Variants in RASGRF1 observed in about 807,000 individuals in gnomAD.
RASGRF1 encodes Ras protein specific guanine nucleotide releasing factor 1, also known as ras-specific guanine nucleotide-releasing factor 1.
A neutral mutation model predicts 138.7 loss-of-function variants in RASGRF1; 40 were observed. The ratio of observed to expected loss-of-function variants is 0.29; its 90% CI spans 0.22 to 0.38. RASGRF1 has a LOEUF of 0.38. RASGRF1 is among the 10% of genes least tolerant of loss of function. RASGRF1 has a pLI of 1.00. For missense variants in RASGRF1, 1,108 were observed against 1,650.4 expected (o/e 0.67, Z 5.69); for synonymous variants, 614 against 663.2 (o/e 0.93, Z 1.14).
intron 26 of RASGRF1, among the ~76,000 whole-genome samples, chr15:78,963,114 C>T (rs1387533383): frequency 1.3e-5 from 2 of 152,028 alleles, no homozygotes; most frequent in African/African-American, 4.8e-5. Context: ...TCTCCCCACC[C>T]CACTCCTGCT....
chr15:79,090,164 C>T, intron 1 of RASGRF1, 59 bp downstream of exon 1: 1 of 1,507,426 alleles, frequency 6.6e-7, no homozygotes, highest in Non-Finnish European at 8.8e-7. Flanking sequence ...GCCGAAGGCC[C>T]TGAGCCCCCA....
Position 79,090,502 on chromosome 15 carries a change from G to A in RASGRF1, c.-4C>T. On this transcript the variant is annotated 5_prime_UTR_variant, in exon 1 of 27. Transcript: ENST00000558480. ...TCAGCCGGATCCCCTTCTGCATGGT[G>A]CTCAGAGGCCAGCGAGACCCCACGC... The A allele has an allele frequency of 6.2e-7, 1 of 1,609,842 alleles. No individual in the cohort carries two copies.
intron 19 of RASGRF1, among the ~76,000 whole-genome samples, chr15:78,996,973 C>T (rs954685043): frequency 6.6e-6 from 1 of 152,190 alleles, no homozygotes; most frequent in Non-Finnish European, 1.5e-5. Flanking sequence ...GGCCCAAGCC[C>T]TCACACCTGG....
At chr15:78,998,277 G>GACCACT in intron 18 of RASGRF1, 69 bp from the exon 19 acceptor site, 1 of 1,316,526 alleles carries the variant, frequency 7.6e-7, no homozygotes, top group Non-Finnish European at 1.1e-6. Flanking sequence ...TCTGGGCCCA[G>GACCACT]GCCAGAGGAA....
intron 19 of RASGRF1, chr15:78,997,836 T>G: frequency 4.1e-6 from 2 of 486,546 alleles, no homozygotes; most frequent in Non-Finnish European, 7.4e-6. Flanking sequence ...TGGACACACA[T>G]GGAGAAGTGT....
intron 24 of RASGRF1, chr15:78,978,579 G>C (rs1311068012): frequency 1.0e-6 from 1 of 987,860 alleles, no homozygotes; most frequent in Non-Finnish European, 1.2e-6. Context: ...CGTATGAATG[G>C]GCTGCAGACC....
intron 14 of RASGRF1, chr15:79,005,719 C>T (rs1357005845): frequency 2.3e-5 from 4 of 173,194 alleles, no homozygotes; most frequent in Non-Finnish European, 2.8e-5. Context: ...AGAGTCCTTT[C>T]TCCCTCCCTC....
Position 78,979,023 on chromosome 15 carries a change from C to T in RASGRF1, c.3494+1597G>A, listed in dbSNP as rs574798894. The T allele has an allele frequency of 1.1e-4, 137 of 1,293,410 alleles. 1 individual carries two copies. Among genetic ancestry groups the T allele is most frequent in the Admixed American group, 6.8e-4 (30 of 44,068 alleles). 80.1% of individuals were successfully genotyped at this position (1,293,410 alleles called of 1,614,324 possible). A position where few individuals can be genotyped will look rare whatever the true frequency, so the allele number is the denominator to read the frequency against. On this transcript the variant is annotated intron_variant, in intron 24 of 26. Coordinates refer to ENST00000558480, the MANE Select transcript of RASGRF1 (RefSeq NM_001145648.3). ...GAGGCAGTGGAGGCAGCGGTGGTGG[C>T]GGCGGCAGACGAGGAAGCCAGCCAT...
chr15:79,014,373 T>C (rs1439963677), intron 13 of RASGRF1, among the ~76,000 whole-genome samples: 3 of 152,186 alleles, frequency 2.0e-5, no homozygotes, highest in Admixed American at 2.0e-4. Context: ...GATAAAGAAA[T>C]TGTGTTATAT....
At chr15:79,022,582 T>C (rs1041520420) in intron 10 of RASGRF1, among the ~76,000 whole-genome samples, 2 of 152,006 alleles carry the variant, frequency 1.3e-5, no homozygotes, top group African/African-American at 4.8e-5. Context: ...GTCTTCAGTT[T>C]AACCTGCCTC....
rs75941875 is a variant in RASGRF1, at chr15:79,051,127, G to A, written c.532-1539C>T. The stretch of plus-strand genomic sequence containing the variant: ...CTCAGGGGATTCTACGAACAAAGCC[G>A]CAAAGCCCAGTGCTGTTCTCTCTTG... On this transcript the variant is annotated intron_variant, in intron 3 of 26. Transcript: ENST00000558480. Among the ~76,000 whole-genome samples the A allele has an allele frequency of 6.7e-3, 1,022 of 152,296 alleles. 53 individuals are homozygous for A. The East Asian group carries it at 0.12, about 19-fold the overall frequency.
Position 79,032,214 on chromosome 15 carries a change from C to T in RASGRF1, c.1061G>A (p.Arg354His), listed in dbSNP as rs778547354. 28 of 1,613,898 alleles carry T rather than the reference C, an allele frequency of 1.7e-5. No individual in the cohort carries two copies. Among genetic ancestry groups the T allele is most frequent in the African/African-American group, 2.7e-5 (2 of 74,892 alleles). ...GTGCTTCAGCAGCTTGTCGAAGTCA[C>T]GGTTCTGCTTGCAGTGGGCCAGGAT... is the stretch of plus-strand genomic sequence containing the variant. ...LQILAHCKQNRDFDKLLKHYE... is the reference protein window; with the variant it reads ...LQILAHCKQNHDFDKLLKHYE... Residue 354 changes from arginine (R) to histidine (H), a missense_variant, in exon 7 of 27, where the codon CGT (arginine) becomes CAT (histidine). Arg to His is a conservative substitution (Grantham distance 29). Transcript: ENST00000558480. This position sits in a 1 kb window ranked among gnomAD's most constrained non-coding sequence, Gnocchi z 4.5.
intron 8 of RASGRF1, among the ~76,000 whole-genome samples, chr15:79,029,981 C>G (rs1418137613): frequency 1.3e-5 from 2 of 152,298 alleles, no homozygotes; most frequent in African/African-American, 4.8e-5. Flanking sequence ...AAACCTTCTC[C>G]CTTGGGGAAG....
chr15:79,082,225 G>T (rs998278560), intron 1 of RASGRF1, among the ~76,000 whole-genome samples: 1 of 152,182 alleles, frequency 6.6e-6, no homozygotes, highest in African/African-American at 2.4e-5. Flanking sequence ...CCTTTCTGGC[G>T]CTCTGTGTCC....
At chr15:79,044,611 G>C (rs1205825709) in intron 5 of RASGRF1, among the ~76,000 whole-genome samples, 4 of 152,162 alleles carry the variant, frequency 2.6e-5, no homozygotes, top group Non-Finnish European at 5.9e-5. Context: ...GGACTGCCTT[G>C]TATTGACAAC....
rs534339336 is a variant in RASGRF1, at chr15:78,987,405, C to T, written c.3217-2201G>A. 2.2e-3 allele frequency among the ~76,000 whole-genome samples: 339 copies of T among 152,076 alleles called. 4 individuals carry two copies. The highest frequency in any genetic ancestry group is 7.5e-3 in the African/African-American group (310 of 41,474). The stretch of plus-strand genomic sequence containing the variant: ...AATATTAGAAATATCTCCTTTAAAA[C>T]CAAGAAGGTGGCCGAGTGCAGTGGC... On this transcript the variant is annotated intron_variant, in intron 22 of 26. Coordinates refer to ENST00000558480, the MANE Select transcript of RASGRF1 (RefSeq NM_001145648.3).
intron 7 of RASGRF1, among the ~76,000 whole-genome samples, chr15:79,031,755 G>GGTGGTGGGAGAGAGAGCACGAGGGT (rs2057141986): frequency 6.6e-6 from 1 of 151,688 alleles, no homozygotes; most frequent in Non-Finnish European, 1.5e-5. Flanking sequence ...AGCACGAGGG[G>GGTGGTGGGAGAGAGAGCACGAGGGT]GTGGTGGGAG....
Position 78,991,695 on chromosome 15 carries a change from A to G in RASGRF1, c.3127T>C (p.Tyr1043His), listed in dbSNP as rs747072589. The G allele has an allele frequency of 6.2e-7, 1 of 1,613,344 alleles. No individual in the cohort carries two copies. ...GGTGGTGCCTGCAACACTTACTCAT[A>G]AGGAATCTTCTTGAAGACGAGGTGA... The part of the protein sequence containing the change: ...LDHLVFKKIP[Y>H]EEFFGQGWMK... Residue 1043 changes from tyrosine to histidine, a missense_variant, in exon 21 of 27, where the codon TAT becomes CAT. Tyr to His is a moderately conservative substitution (Grantham distance 83, BLOSUM62 2). This residue lies in a region of RASGRF1 where 686 missense variants were observed against 976.7 expected (regional missense o/e 0.70). Transcript: ENST00000558480.
intron 12 of RASGRF1, 51 bp downstream of exon 12, chr15:79,017,719 G>T: frequency 6.4e-7 from 1 of 1,551,702 alleles, no homozygotes; most frequent in Non-Finnish European, 8.7e-7. Flanking sequence ...TCCCTGACCT[G>T]GTTAGGCATG....
Sources: gnomAD v4.1 joint callset for allele counts (sites outside exome capture counted in the v4.1 genomes callset) on GRCh38, gnomAD v4.1.1 for gene constraint, gnomAD v4.1.1 regional missense constraint, Gnocchi (gnomAD v3.1) non-coding constraint, MANE v1.5 for transcripts, NCBI Gene and HGNC (gene_info 2026-07-23, HGNC 2026-07-21) for gene names.